Variants in LINGO1 observed in about 807,000 individuals in gnomAD.
The protein encoded by LINGO1 is leucine rich repeat and Ig domain containing 1.
Under a neutral mutation model 37.3 loss-of-function variants are expected in LINGO1, and 11 were observed. That is an observed-to-expected ratio of 0.29 (90% CI 0.19 to 0.49). The LOEUF is 0.49. LINGO1 is among the 20% of genes least tolerant of loss of function. The probability of loss-of-function intolerance (pLI) is 0.99; values close to 1 mark genes in which losing one functional copy is unlikely to be tolerated. For synonymous variants in LINGO1, 387 were observed against 403.0 expected, an observed-to-expected ratio of 0.96 and a Z score of 0.48; for missense variants, 585 against 878.2, an observed-to-expected ratio of 0.67 and a Z score of 4.22.
At chr15:77,687,296 T>C (rs1191388793) in intron 2 of LINGO1, among the ~76,000 whole-genome samples, 2 of 151,950 alleles carry the variant, frequency 1.3e-5, no homozygotes, top group African/African-American at 4.8e-5. Flanking sequence ...AAAACCAGGA[T>C]CAAAGTTCAA....
intron 2 of LINGO1, among the ~76,000 whole-genome samples, chr15:77,708,191 T>C (rs778256731): frequency 6.6e-6 from 1 of 152,042 alleles, no homozygotes; most frequent in Non-Finnish European, 1.5e-5. Context: ...AGTCCTGGAG[T>C]GAAGCGACGA....
intron 1 of LINGO1, among the ~76,000 whole-genome samples, chr15:77,623,823 G>A (rs1189320830): frequency 6.6e-6 from 1 of 151,962 alleles, no homozygotes; most frequent in African/African-American, 2.4e-5. Context: ...TTGGGCCCCC[G>A]GGGTGTCTGT....
chr15:77,780,016 G>A (rs1490068030), intron 1 of LINGO1, among the ~76,000 whole-genome samples: 1 of 152,222 alleles, frequency 6.6e-6, no homozygotes, highest in African/African-American at 2.4e-5. Flanking sequence ...AAGCTCAGAG[G>A]AGGGAGAGAT....
chr15:77,665,615 T>A (rs2075112016), intron 3 of LINGO1, among the ~76,000 whole-genome samples: 1 of 152,180 alleles, frequency 6.6e-6, no homozygotes, highest in Non-Finnish European at 1.5e-5. Context: ...ATATCCTTTG[T>A]CCTCACACAT....
intron 2 of LINGO1, among the ~76,000 whole-genome samples, chr15:77,722,066 T>C (rs1171035202): frequency 1.3e-5 from 2 of 152,124 alleles, no homozygotes; most frequent in Non-Finnish European, 2.9e-5. Flanking sequence ...CAGGGTGACA[T>C]GTGTGTAGGT....
intron 1 of LINGO1, among the ~76,000 whole-genome samples, chr15:77,779,093 T>C (rs1249403092): frequency 6.6e-6 from 1 of 152,142 alleles, no homozygotes. Context: ...CAGGCTTCCA[T>C]ATGGCTCCCT....
intron 2 of LINGO1, among the ~76,000 whole-genome samples, chr15:77,717,831 G>C (rs1412225201): frequency 6.6e-6 from 1 of 150,844 alleles, no homozygotes; most frequent in Non-Finnish European, 1.5e-5. Context: ...ACTATGGTGG[G>C]GAAAGGCCCA....
At position 77,621,719 on chromosome 15, in the gene LINGO1, C is replaced by T. The variant is rs527802917; in HGVS notation, c.7-5819G>A. On this transcript the variant is annotated intron_variant, in intron 1 of 1. Coordinates refer to ENST00000355300, the MANE Select transcript of LINGO1 (RefSeq NM_032808.7). ...AACTTCCAGAAAACGGGGTGTTACA[C>T]GAGCCACGTGTACTCAGTGTTTTTC... Among the ~76,000 whole-genome samples the T allele has an allele frequency of 7.9e-4, 121 of 152,346 alleles. 1 individual carries two copies. Among genetic ancestry groups the T allele is most frequent in the African/African-American group, 2.8e-3 (118 of 41,590 alleles).
In LINGO1 at chr15:77,628,667, T is replaced by C. The variant is rs79068277; in HGVS notation, c.6+3643A>G. On this transcript the variant is annotated intron_variant, in intron 1 of 1. Transcript: ENST00000355300. Reference sequence around the variant, plus strand: ...GATTGCTGGTGTTTAAGTTGGAGAGTAGGGTAACAGTGTTCATTATAGTAT... The same window carrying C: ...GATTGCTGGTGTTTAAGTTGGAGAGCAGGGTAACAGTGTTCATTATAGTAT... Among the ~76,000 whole-genome samples, 184 of 152,092 alleles carry C rather than the reference T, an allele frequency of 1.2e-3. 2 individuals are homozygous for C. In the East Asian group the frequency reaches 0.032, roughly 27 times the overall value.
intron 1 of LINGO1, among the ~76,000 whole-genome samples, chr15:77,782,503 C>T (rs929770335): frequency 6.6e-5 from 10 of 152,182 alleles, no homozygotes; most frequent in Non-Finnish European, 1.5e-4. Flanking sequence ...AGAAGGTCCC[C>T]GATGCTGACC....
intron 1 of LINGO1, chr15:77,819,526 G>A (rs1022218877): frequency 6.6e-6 from 1 of 151,518 alleles, no homozygotes; most frequent in Admixed American, 6.6e-5. Flanking sequence ...ACGATGCGAT[G>A]CCGGCAGAAT....
intron 2 of LINGO1, among the ~76,000 whole-genome samples, chr15:77,705,249 C>A (rs1465191172): frequency 1.3e-5 from 2 of 150,858 alleles, no homozygotes; most frequent in African/African-American, 4.9e-5. Context: ...CCAGGTTCCC[C>A]GACCAGTTTT....
intron 1 of LINGO1, among the ~76,000 whole-genome samples, chr15:77,747,856 T>C (rs564123365): frequency 2.0e-4 from 30 of 151,000 alleles, no homozygotes; most frequent in Non-Finnish European, 3.7e-4. Flanking sequence ...CCTCAGTCAT[T>C]ACCCACCTCC....
chr15:77,753,804 A>ACTG (rs934458921), intron 1 of LINGO1, among the ~76,000 whole-genome samples: 1 of 152,218 alleles, frequency 6.6e-6, no homozygotes, highest in African/African-American at 2.4e-5. Context: ...CGTATGGCAG[A>ACTG]GCCTTACAGG....
intron 2 of LINGO1, among the ~76,000 whole-genome samples, chr15:77,719,099 C>T (rs572934686): frequency 6.7e-6 from 1 of 150,208 alleles, no homozygotes; most frequent in African/African-American, 2.4e-5. Flanking sequence ...AGAACTGGGG[C>T]CTCCGGGAGG....
At chr15:77,692,534 C>T (rs1173342474) in intron 1 of LINGO1, among the ~76,000 whole-genome samples, 1 of 152,174 alleles carries the variant, frequency 6.6e-6, no homozygotes, top group Non-Finnish European at 1.5e-5. Context: ...AATAAGCACA[C>T]AAACAAAAAT....
intron 2 of LINGO1, among the ~76,000 whole-genome samples, chr15:77,729,886 C>T (rs1234104350): frequency 1.1e-4 from 17 of 152,216 alleles, no homozygotes. Flanking sequence ...ATCCTATTTT[C>T]CCCTGCCTTG....
chr15:77,759,311 C>T (rs553022224), intron 1 of LINGO1, among the ~76,000 whole-genome samples: 8 of 152,250 alleles, frequency 5.3e-5, no homozygotes, highest in Admixed American at 4.6e-4. Flanking sequence ...CATGGAGGAG[C>T]GGTGTGGACT....
At chr15:77,750,103 C>T (rs1165200367) in intron 1 of LINGO1, among the ~76,000 whole-genome samples, 1 of 152,066 alleles carries the variant, frequency 6.6e-6, no homozygotes, top group South Asian at 2.1e-4. Flanking sequence ...TGAACACGTG[C>T]CCTGGAGTCA....
Sources: allele counts gnomAD v4.1 joint callset (sites outside exome capture counted in the v4.1 genomes callset), GRCh38; gene constraint gnomAD v4.1.1; transcripts MANE v1.5; gene names NCBI Gene and HGNC (gene_info 2026-07-23, HGNC 2026-07-21).